Variants in ZBBX observed in about 807,000 individuals in gnomAD.
ZBBX encodes the protein zinc finger B-box domain containing, also known as zinc finger B-box domain-containing protein 1.
ZBBX carries 101 observed loss-of-function variants against 108.5 expected under a neutral mutation model. That is an observed-to-expected ratio of 0.93 (90% confidence interval 0.79 to 1.10). The LOEUF (loss-of-function observed/expected upper bound fraction) is 1.10. Ranked by LOEUF, ZBBX falls within the 50% of genes least tolerant of loss-of-function variation. The probability of loss-of-function intolerance (pLI) is 0.00; values close to 1 mark genes in which losing one functional copy is unlikely to be tolerated. For synonymous variants in ZBBX, 356 were observed against 323.4 expected (o/e 1.10, Z -1.08); for missense variants, 1,009 against 941.4 (o/e 1.07, Z -0.94).
At chr3:167,368,398 T>C (rs1196055740) in intron 5 of ZBBX, 63 bp downstream of exon 5, 15 of 1,177,080 alleles carry the variant, frequency 1.3e-5, no homozygotes, top group African/African-American at 3.1e-5. Flanking sequence ...GACAACAGTA[T>C]ATAAAATAGT....
At position 167,313,962 on chromosome 3, in the gene ZBBX, G is replaced by T. The variant is rs764955003; in HGVS notation, c.1417+12C>A. On this transcript the variant is annotated intron_variant, in intron 16 of 21. Coordinates refer to ENST00000675490, the MANE Select transcript of ZBBX (RefSeq NM_001199201.2). ...CACTGTTAATAATATCCAGCAACAA[G>T]AAAAATGTTACCTTTTGAATTATCT... 42 of 1,562,552 alleles carry T rather than the reference G, an allele frequency of 2.7e-5. No individual in the cohort carries two copies. The South Asian group carries it at 4.6e-4, about 17-fold the overall frequency.
chr3:167,312,832 C>T (rs963653646), intron 16 of ZBBX, among the ~76,000 whole-genome samples: 1 of 152,128 alleles, frequency 6.6e-6, no homozygotes, highest in Non-Finnish European at 1.5e-5. Flanking sequence ...GCAGGATTTA[C>T]ACAAATCTAC....
chr3:167,313,860 G>C (rs1443861191), intron 16 of ZBBX, 114 bp downstream of exon 16: 1 of 916,474 alleles, frequency 1.1e-6, no homozygotes, highest in East Asian at 2.8e-5. Context: ...TTTCATTTTA[G>C]TACTGAGGTT....
At chr3:167,297,039 G>A (rs2108169800) in intron 18 of ZBBX, among the ~76,000 whole-genome samples, 1 of 152,050 alleles carries the variant, frequency 6.6e-6, no homozygotes, top group Non-Finnish European at 1.5e-5. Context: ...ACAGACCAAT[G>A]AAATGGGATA....
At chr3:167,293,187 C>T (rs1731019579) in intron 18 of ZBBX, among the ~76,000 whole-genome samples, 1 of 152,148 alleles carries the variant, frequency 6.6e-6, no homozygotes, top group Non-Finnish European at 1.5e-5. Context: ...GGACGCCTCC[C>T]TAACCTATTG....
intron 14 of ZBBX, among the ~76,000 whole-genome samples, chr3:167,316,145 A>G (rs1278354779): frequency 6.6e-6 from 1 of 152,098 alleles, no homozygotes; most frequent in Non-Finnish European, 1.5e-5. Context: ...CTCATCATAA[A>G]CTTACGCTGT....
intron 18 of ZBBX, among the ~76,000 whole-genome samples, chr3:167,295,760 A>ATAT (rs1731586030): frequency 0.017 from 112 of 6,630 alleles, 19 homozygotes; most frequent in East Asian, 0.029. Context: ...TATATATATA[A>ATAT]AAAAAACTAG....
At chr3:167,362,337 A>C (rs1744655717) in intron 6 of ZBBX, among the ~76,000 whole-genome samples, 1 of 152,174 alleles carries the variant, frequency 6.6e-6, no homozygotes, top group South Asian at 2.1e-4. Context: ...AGGAAAGCTT[A>C]GTGGATTTAC....
rs1357278867 is a variant in ZBBX at position 167,306,035 on chromosome 3, A to G, written c.1418-85T>C. ...GTTAATAAACCAAAAGTTCTGTGGT[A>G]AAAAAACTTTCTCAATAAACACTAT... is the stretch of plus-strand genomic sequence containing the variant. On this transcript the variant is annotated intron_variant, in intron 16 of 21. Coordinates refer to ENST00000675490, the MANE Select transcript of ZBBX (RefSeq NM_001199201.2). The G allele has an allele frequency of 5.2e-6, 6 of 1,160,126 alleles. No homozygotes were observed. In the East Asian group the frequency reaches 1.7e-4, roughly 32 times the overall value. 71.9% of individuals were successfully genotyped at this position (1,160,126 alleles called of 1,614,324 possible).
the ZBBX span, among the ~76,000 whole-genome samples, chr3:167,207,505 C>T: frequency 6.6e-6 from 1 of 152,100 alleles, no homozygotes; most frequent in Non-Finnish European, 1.5e-5. Context: ...CCAAAGAAGG[C>T]ACCTTTTAAA....
At chr3:167,227,603 C>A in the ZBBX span, among the ~76,000 whole-genome samples, 2 of 151,640 alleles carry the variant, frequency 1.3e-5, no homozygotes, top group South Asian at 4.2e-4. Context: ...TACGTGGTCA[C>A]CTTTTAAACT....
At chr3:167,266,176 G>T (rs1348691611) in intron 20 of ZBBX, among the ~76,000 whole-genome samples, 6 of 152,106 alleles carry the variant, frequency 3.9e-5, no homozygotes, top group African/African-American at 1.4e-4. Context: ...CTTCTGTTTT[G>T]CCATGTTTCT....
At chr3:167,350,632 A>C in intron 8 of ZBBX, 117 bp from the exon 9 acceptor site, 3 of 616,910 alleles carry the variant, frequency 4.9e-6, no homozygotes, top group East Asian at 3.3e-5. Flanking sequence ...AAATACCTAT[A>C]TCATCAGAAT....
intron 17 of ZBBX, among the ~76,000 whole-genome samples, chr3:167,304,556 G>A (rs1733286550): frequency 6.6e-6 from 1 of 152,058 alleles, no homozygotes. Flanking sequence ...GATACATCAG[G>A]ATATTAATAG....
At chr3:167,252,404 C>T (rs1038605365) in intron 20 of ZBBX, among the ~76,000 whole-genome samples, 37 of 152,236 alleles carry the variant, frequency 2.4e-4, no homozygotes, top group East Asian at 7.7e-4. Flanking sequence ...TGCTCATTGA[C>T]GCAAAACAGG....
intron 1 of ZBBX, among the ~76,000 whole-genome samples, chr3:167,394,629 GC>G (rs1294922430): frequency 6.6e-6 from 1 of 151,738 alleles, no homozygotes; most frequent in South Asian, 2.1e-4. Flanking sequence ...AGGTTACACG[GC>G]CCAAAGAAGC....
chr3:167,351,957 C>A (rs930970136), intron 8 of ZBBX, among the ~76,000 whole-genome samples: 1 of 152,130 alleles, frequency 6.6e-6, no homozygotes, highest in African/African-American at 2.4e-5. Flanking sequence ...CACAACATAG[C>A]CATCGCTGAC....
At chr3:167,253,425 G>A (rs750289440) in intron 20 of ZBBX, among the ~76,000 whole-genome samples, 1 of 152,088 alleles carries the variant, frequency 6.6e-6, no homozygotes, top group African/African-American at 2.4e-5. Context: ...ACAGAGACAA[G>A]AAAATTGCAA....
intron 20 of ZBBX, among the ~76,000 whole-genome samples, chr3:167,262,432 G>C (rs560745887): frequency 6.6e-6 from 1 of 152,302 alleles, no homozygotes; most frequent in Admixed American, 6.5e-5. Context: ...ACTTTCAATA[G>C]GATTGGTATA....
Sources: gnomAD v4.1 joint callset for allele counts (sites outside exome capture counted in the v4.1 genomes callset) on GRCh38, gnomAD v4.1.1 for gene constraint, MANE v1.5 for transcripts, NCBI Gene and HGNC (gene_info 2026-07-23, HGNC 2026-07-21) for gene names.